Variants in SHISAL1 observed in about 807,000 individuals in gnomAD.
The protein encoded by SHISAL1 is protein shisa-like-1.
In SHISAL1, 9 loss-of-function variants were observed where a neutral mutation model predicts 22.6. That is an observed-to-expected ratio of 0.40 (90% CI 0.24 to 0.70). The LOEUF is 0.70. Among genes scored for constraint, SHISAL1 ranks in the 30% least tolerant of loss-of-function variants. SHISAL1 has a pLI of 0.39. For missense variants in SHISAL1, 246 were observed against 270.6 expected (o/e 0.91, Z 0.64); for synonymous variants, 119 against 115.4 (o/e 1.03, Z -0.20).
chr22:44,292,456 C>T (rs1392297688), intron 3 of SHISAL1, among the ~76,000 whole-genome samples: 1 of 152,228 alleles, frequency 6.6e-6, no homozygotes, highest in Admixed American at 6.5e-5. Context: ...TGTTATCACC[C>T]ATGTGGTCTG....
chr22:44,254,986 C>G (rs1442911571), intron 4 of SHISAL1, among the ~76,000 whole-genome samples: 1 of 152,140 alleles, frequency 6.6e-6, no homozygotes, highest in Non-Finnish European at 1.5e-5. Context: ...TTTCACTCAT[C>G]CTCCCAGCAG....
intron 3 of SHISAL1, among the ~76,000 whole-genome samples, chr22:44,291,906 G>A (rs1038896900): frequency 7.9e-5 from 12 of 152,084 alleles, no homozygotes; most frequent in African/African-American, 2.9e-4. Flanking sequence ...CCTGGCATGG[G>A]AAGGAGGGCA....
rs1161668072 is a variant in SHISAL1 at position 44,249,460 on chromosome 22, G to A, written c.*225C>T. The A allele has an allele frequency of 1.2e-5, 6 of 505,432 alleles. No homozygotes were observed. The highest frequency in any genetic ancestry group is 3.5e-5 in the Admixed American group (1 of 28,296). 31.3% of individuals were successfully genotyped at this position (505,432 alleles called of 1,614,324 possible). The stretch of plus-strand genomic sequence containing the variant: ...AAATAGGACTATTGCTTGCGGACAG[G>A]TGGCTCAGAATCCCCTCCCCTGCAC... On this transcript the variant is annotated 3_prime_UTR_variant, in exon 5 of 5. Transcript: ENST00000381176.
intron 4 of SHISAL1, among the ~76,000 whole-genome samples, chr22:44,258,563 T>C (rs1021757847): frequency 6.6e-6 from 1 of 152,126 alleles, no homozygotes; most frequent in Non-Finnish European, 1.5e-5. Context: ...AGTGAGAGCA[T>C]GTGGTATTGG....
chr22:44,290,791 G>A (rs1465244960), intron 3 of SHISAL1, among the ~76,000 whole-genome samples: 3 of 152,196 alleles, frequency 2.0e-5, no homozygotes, highest in Non-Finnish European at 2.9e-5. Flanking sequence ...ACGAGGGCCT[G>A]GAGAGAGACA....
intron 4 of SHISAL1, among the ~76,000 whole-genome samples, chr22:44,281,557 G>A (rs1162846930): frequency 2.6e-5 from 4 of 152,176 alleles, no homozygotes; most frequent in Admixed American, 2.6e-4. Context: ...ACGCCTGGGA[G>A]GAAAACCCAG....
chr22:44,298,278 G>A (rs538365105), intron 2 of SHISAL1, among the ~76,000 whole-genome samples: 247 of 152,336 alleles, frequency 1.6e-3, no homozygotes, highest in African/African-American at 5.5e-3. Context: ...TATTCCCATC[G>A]TACAGGGGAG....
At chr22:44,290,106 A>C (rs1276741952) in intron 3 of SHISAL1, among the ~76,000 whole-genome samples, 1 of 152,218 alleles carries the variant, frequency 6.6e-6, no homozygotes, top group Non-Finnish European at 1.5e-5. Context: ...GGAAGTCCCC[A>C]TCACCACCCC....
chr22:44,329,028 T>A, the SHISAL1 span, among the ~76,000 whole-genome samples: 1 of 152,104 alleles, frequency 6.6e-6, no homozygotes, highest in Non-Finnish European at 1.5e-5. Flanking sequence ...CCCCAACCTC[T>A]CCCAGGCTCC....
chr22:44,298,148 C>G (rs2055400854), intron 2 of SHISAL1, among the ~76,000 whole-genome samples: 1 of 152,230 alleles, frequency 6.6e-6, no homozygotes. Flanking sequence ...TTTTGGGGAA[C>G]CAGGGGAGCT....
chr22:44,308,122 T>C (rs917248840), intron 1 of SHISAL1, among the ~76,000 whole-genome samples: 7 of 152,174 alleles, frequency 4.6e-5, no homozygotes, highest in Non-Finnish European at 7.3e-5. Context: ...CCACATCCCA[T>C]GTGACCTGGG....
chr22:44,301,360 T>C (rs2055427969), intron 1 of SHISAL1, among the ~76,000 whole-genome samples: 1 of 151,978 alleles, frequency 6.6e-6, no homozygotes, highest in Non-Finnish European at 1.5e-5. Flanking sequence ...GCTGTGTCGC[T>C]AAGGTGGAGG....
intron 4 of SHISAL1, among the ~76,000 whole-genome samples, chr22:44,250,630 C>T (rs1462170619): frequency 6.6e-5 from 10 of 152,146 alleles, no homozygotes; most frequent in South Asian, 2.1e-4. Context: ...GTCTGGCTAA[C>T]GCTGTGTAAG....
the SHISAL1 span, among the ~76,000 whole-genome samples, chr22:44,330,662 T>G: frequency 6.9e-6 from 1 of 144,142 alleles, no homozygotes; most frequent in African/African-American, 2.5e-5. Context: ...TTTTTCCCCC[T>G]GTTTTTTTTT....
chr22:44,282,734 G>C (rs1255078297), intron 4 of SHISAL1, among the ~76,000 whole-genome samples: 1 of 152,320 alleles, frequency 6.6e-6, no homozygotes, highest in Admixed American at 6.5e-5. Flanking sequence ...CTCCTGAGAG[G>C]GCTGTGAGGG....
the SHISAL1 span, among the ~76,000 whole-genome samples, chr22:44,322,010 A>C: frequency 6.6e-6 from 1 of 152,040 alleles, no homozygotes; most frequent in Non-Finnish European, 1.5e-5. Context: ...GGGTGGACAC[A>C]GGAGTGTGGT....
At chr22:44,300,771 G>A in intron 2 of SHISAL1, 108 bp downstream of exon 2, 1 of 914,644 alleles carries the variant, frequency 1.1e-6, no homozygotes, top group South Asian at 1.4e-5. Flanking sequence ...GAGGACAAAA[G>A]GCAAGCCTCT....
chr22:44,259,912 C>CT (rs2055110252), intron 4 of SHISAL1, among the ~76,000 whole-genome samples: 1 of 152,230 alleles, frequency 6.6e-6, no homozygotes, highest in Non-Finnish European at 1.5e-5. Flanking sequence ...GCTCCCTGCA[C>CT]TGCAAGCATA....
At chr22:44,280,580 G>C (rs1229513967) in intron 4 of SHISAL1, among the ~76,000 whole-genome samples, 1 of 152,150 alleles carries the variant, frequency 6.6e-6, no homozygotes, top group Non-Finnish European at 1.5e-5. Flanking sequence ...CTTCAGGAGG[G>C]GGCCGCTCAG....
Sources: allele counts gnomAD v4.1 joint callset (sites outside exome capture counted in the v4.1 genomes callset), GRCh38; gene constraint gnomAD v4.1.1; transcripts MANE v1.5; gene names NCBI Gene and HGNC (gene_info 2026-07-23, HGNC 2026-07-21).